The following TRPM1 variants were observed in gnomAD, a reference collection of about 807,000 sequenced individuals.
The protein encoded by TRPM1 is TRPM1-203 APA Isoform, Intron 10.
TRPM1 carries 113 observed loss-of-function variants against 149.4 expected under a neutral mutation model. That is an observed-to-expected ratio of 0.76 (90% CI 0.65 to 0.88). TRPM1 has a LOEUF of 0.88. Ranked by LOEUF, TRPM1 falls within the 40% of genes least tolerant of loss-of-function variation. The pLI, the probability that TRPM1 is intolerant of heterozygous loss-of-function variation, is 0.00. For missense variants in TRPM1, 1,976 were observed against 2,038.7 expected (o/e 0.97, Z 0.59); for synonymous variants, 741 against 759.5 (o/e 0.98, Z 0.40).
intron 24 of TRPM1, 94 bp from the exon 25 acceptor site, chr15:31,028,570 T>A: frequency 2.1e-6 from 3 of 1,396,040 alleles, no homozygotes; most frequent in South Asian, 1.2e-5. Context: ...ATTTCTTTTT[T>A]AATATGATTC....
At position 31,121,567 on chromosome 15, in the gene TRPM1, G is replaced by A. The variant is rs533585834; in HGVS notation, c.54+39339C>T. Among the ~76,000 whole-genome samples the A allele has an allele frequency of 1.1e-4, 16 of 152,258 alleles. No individual in the cohort carries two copies. The East Asian group carries it at 3.1e-3, about 29-fold the overall frequency. On this transcript the variant is annotated intron_variant, in intron 1 of 26. Transcript: ENST00000542188. ...CAAATTTGTGTCCACAAATTTAATA[G>A]CTTAGATGAAATGAACAAATTCCTT... is the stretch of plus-strand genomic sequence containing the variant.
Position 31,028,406 on chromosome 15 carries a change from G to A in TRPM1, c.3219C>T (p.Leu1073=). 6.2e-7 allele frequency: 1 copy of A among 1,614,154 alleles called. No individual in the cohort carries two copies. The highest frequency in any genetic ancestry group is 8.5e-7 in the Non-Finnish European group (1 of 1,180,032). Residue 1073 remains leucine (L), a synonymous_variant, in exon 25 of 28, where the codon CTC becomes CTT. Transcript: ENST00000256552. ...GATAGCACGCCATGAGTGCTGGAGT[G>A]AGCCAGGCGCCGGGGATACAGGGAG... ...RLPPCIPGAW[L]TPALMACYLL...
At chr15:31,104,547 G>T (rs980878246), upstream of TRPM1, among the ~76,000 whole-genome samples, 8 of 151,364 alleles carry the variant, frequency 5.3e-5, no homozygotes, top group African/African-American at 1.9e-4. Context: ...GACTGTCTAG[G>T]GCCATGATAT....
At chr15:31,069,973 A>C (rs2034487501) in intron 4 of TRPM1, 58 bp downstream of exon 4, 6 of 1,613,838 alleles carry the variant, frequency 3.7e-6, no homozygotes, top group Non-Finnish European at 5.1e-6. Context: ...GGGCTGGGAG[A>C]CTGGCCGCCA....
upstream of TRPM1, among the ~76,000 whole-genome samples, chr15:31,105,127 C>G (rs944855571): frequency 5.5e-4 from 83 of 152,136 alleles, 1 homozygote; most frequent in East Asian, 2.5e-3. Context: ...TGGATTTGAA[C>G]ATATTTGATG....
At chr15:31,055,491 G>A (rs939891334) in intron 11 of TRPM1, among the ~76,000 whole-genome samples, 2 of 152,164 alleles carry the variant, frequency 1.3e-5, no homozygotes, top group Admixed American at 6.5e-5. Context: ...GAGGGCATGT[G>A]GTGGGCAGAA....
At chr15:31,033,072 C>T in intron 21 of TRPM1, 132 bp from the exon 22 acceptor site, 1 of 1,229,262 alleles carries the variant, frequency 8.1e-7, no homozygotes, top group South Asian at 1.2e-5. Context: ...CGTTTAAACA[C>T]TCTTCTTCTC....
chr15:31,088,831 A>T (rs566283079), intron 1 of TRPM1, among the ~76,000 whole-genome samples: 32 of 150,574 alleles, frequency 2.1e-4, no homozygotes, highest in African/African-American at 7.3e-4. Flanking sequence ...AGGCCTTTGT[A>T]CCGGGGCGAT....
chr15:31,007,423 T>C lies in TRPM1; in HGVS notation c.3630-4353A>G, dbSNP rs566915307. Among the ~76,000 whole-genome samples, 25 of 152,302 alleles carry C rather than the reference T, an allele frequency of 1.6e-4. No homozygotes were observed. In the South Asian group the frequency reaches 2.9e-3, roughly 18 times the overall value. ...CTTCACAGTAAGCCTTAAAACTGGA[T>C]AGTGTGATTCCTCTAATGTTATTCT... On this transcript the variant is annotated intron_variant, in intron 27 of 27. Transcript: ENST00000256552.
intron 27 of TRPM1, among the ~76,000 whole-genome samples, chr15:31,006,311 G>T (rs1169042480): frequency 6.6e-6 from 1 of 152,076 alleles, no homozygotes; most frequent in Non-Finnish European, 1.5e-5. Context: ...CCAAGTAGCT[G>T]GGATCACAGG....
upstream of TRPM1, among the ~76,000 whole-genome samples, chr15:31,106,005 CTG>C (rs1252416283): frequency 5.9e-5 from 9 of 152,178 alleles, no homozygotes; most frequent in African/African-American, 2.2e-4. Flanking sequence ...AAATATAAGT[CTG>C]TTTTATAATT....
chr15:31,113,523 A>G (rs73375940), intron 1 of TRPM1, among the ~76,000 whole-genome samples: 1 of 151,980 alleles, frequency 6.6e-6, no homozygotes, highest in Non-Finnish European at 1.5e-5. Context: ...CCAAACTGTC[A>G]AAAAACATTT....
At chr15:31,102,344 C>T (rs1325167439), upstream of TRPM1, among the ~76,000 whole-genome samples, 4 of 152,234 alleles carry the variant, frequency 2.6e-5, no homozygotes, top group Non-Finnish European at 4.4e-5. Context: ...GTGGTTATTC[C>T]AGCTTTCCAT....
intron 6 of TRPM1, 126 bp from the exon 7 acceptor site, chr15:31,066,373 C>A: frequency 9.4e-7 from 1 of 1,060,264 alleles, no homozygotes; most frequent in South Asian, 1.4e-5. Context: ...TCTACCCTGC[C>A]TTTTGAAGGT....
intron 7 of TRPM1, 37 bp downstream of exon 7, chr15:31,066,039 C>G (rs1342580885): frequency 6.2e-7 from 1 of 1,603,038 alleles, no homozygotes; most frequent in Non-Finnish European, 8.5e-7. Flanking sequence ...GTGATGGCAT[C>G]AGCCCAGGAG....
intron 27 of TRPM1, among the ~76,000 whole-genome samples, chr15:31,015,627 T>C (rs547332243): frequency 2.8e-4 from 42 of 152,276 alleles, no homozygotes; most frequent in African/African-American, 9.9e-4. Context: ...AAAACACAAT[T>C]TCATTGCAGT....
In TRPM1 at chr15:31,040,129, G is replaced by A. The variant is rs776260376; in HGVS notation, c.2305C>T (p.Pro769Ser). The A allele has an allele frequency of 1.2e-6, 2 of 1,614,222 alleles. No individual in the cohort carries two copies. The highest frequency in any genetic ancestry group is 2.2e-5 in the East Asian group (1 of 44,890). ...CACGTTGCACGCACCTTCAGGCCGG[G>A]GTTCTTCCGCATCCGCAGTCTTCCC... ...WMGRLRMRKN[P>S]GLKVIMGILL... The change falls in exon 18 of 28, where the codon CCC becomes TCC. Residue 769 changes from proline to serine, a missense_variant. Pro to Ser is a moderately conservative substitution (Grantham distance 74). Coordinates refer to ENST00000256552, the MANE Select transcript of TRPM1 (RefSeq NM_001252024.2). The surrounding 1 kb of genome is among the most constrained non-coding windows in gnomAD (Gnocchi z 4.2).
At chr15:31,032,272 T>C (rs1202788694) in intron 22 of TRPM1, among the ~76,000 whole-genome samples, 1 of 152,082 alleles carries the variant, frequency 6.6e-6, no homozygotes, top group African/African-American at 2.4e-5. Context: ...AATAGACTCA[T>C]TAATAATAAA....
At chr15:31,022,360 G>A (rs954996652) in intron 27 of TRPM1, among the ~76,000 whole-genome samples, 1 of 152,258 alleles carries the variant, frequency 6.6e-6, no homozygotes, top group African/African-American at 2.4e-5. Flanking sequence ...ACCAGACATG[G>A]TGGCCCATGC....
Sources: gnomAD v4.1 joint callset for allele counts (sites outside exome capture counted in the v4.1 genomes callset) on GRCh38, gnomAD v4.1.1 for gene constraint, Gnocchi (gnomAD v3.1) non-coding constraint, MANE v1.5 for transcripts, NCBI Gene and HGNC (gene_info 2026-07-23, HGNC 2026-07-21) for gene names.